Variants in ANK3 observed in about 807,000 individuals in gnomAD.
ANK3 encodes the protein ankyrin 3, also known as ankyrin-3.
In ANK3, 57 loss-of-function variants were observed where a neutral mutation model predicts 370.9. The observed-to-expected ratio is 0.15, with a 90% CI of 0.12 to 0.19. The LOEUF is 0.19. Among genes scored for constraint, ANK3 ranks in the 10% least tolerant of loss-of-function variants. The pLI is 1.00. For synonymous variants in ANK3, 1,929 were observed against 1,946.3 expected (o/e 0.99, Z 0.23); for missense variants, 4,439 against 5,302.1 (o/e 0.84, Z 5.06).
chr10:60,468,995 GTGTATATATATATATATATATA>G (rs2065079311), intron 2 of ANK3, among the ~76,000 whole-genome samples: 2 of 34,552 alleles, frequency 5.8e-5, no homozygotes, highest in Admixed American at 2.6e-4. Context: ...CACTTTTAGT[GTGTATATATATATATATATATA>G]TACCACTTTT....
At chr10:60,676,185 T>C (rs1223428041) in intron 1 of ANK3, among the ~76,000 whole-genome samples, 3 of 152,176 alleles carry the variant, frequency 2.0e-5, no homozygotes, top group African/African-American at 7.2e-5. Context: ...GATGTTGCAA[T>C]TTTTAAAAGC....
intron 2 of ANK3, among the ~76,000 whole-genome samples, chr10:60,613,187 T>C (rs1254288021): frequency 6.6e-6 from 1 of 152,220 alleles, no homozygotes; most frequent in Non-Finnish European, 1.5e-5. Context: ...TTAACTTTAC[T>C]AGATATAAAT....
intron 14 of ANK3, among the ~76,000 whole-genome samples, chr10:60,196,933 C>T (rs759058084): frequency 1.1e-4 from 16 of 152,152 alleles, no homozygotes; most frequent in Non-Finnish European, 2.2e-4. Flanking sequence ...TCAGGTATCT[C>T]ACCAGGATGA....
intron 1 of ANK3, among the ~76,000 whole-genome samples, chr10:60,301,781 C>T (rs1286957121): frequency 6.6e-6 from 1 of 152,172 alleles, no homozygotes; most frequent in Non-Finnish European, 1.5e-5. Context: ...ATATGCAACA[C>T]TTTAGGCAAC....
rs140104995 is a variant in ANK3, at chr10:60,084,707, G to C, written c.3969C>G (p.Pro1323=). The C allele has an allele frequency of 1.2e-6, 2 of 1,613,648 alleles. No homozygotes were observed. ...AGAAACATCGCAAGGAAGATTCTAC[G>C]GGATCATTCATTTTGGCAAAAACAA... ...KFVVFAKMND[P]VESSLRCFCM... Residue 1323 remains proline (P), a synonymous_variant, in exon 32 of 44, where the codon CCC becomes CCG. Transcript: ENST00000280772.
chr10:60,288,889 A>AACACACACACACACACAC lies in ANK3; in HGVS notation c.115-9268_115-9251dup, dbSNP rs35560146. On this transcript the variant is annotated intron_variant, in intron 1 of 43. Coordinates refer to ENST00000280772, the MANE Select transcript of ANK3 (RefSeq NM_020987.5). ...CCTCAAGGATCTCCCAGGTAGGAAT[A>AACACACACACACACACAC]ACACACACACACACACACACACACA... is the stretch of plus-strand genomic sequence containing the variant. 4.9e-3 allele frequency among the ~76,000 whole-genome samples: 682 copies of AACACACACACACACACAC among 139,290 alleles called. 8 individuals carry two copies. The highest frequency in any genetic ancestry group is 0.016 in the African/African-American group (584 of 36,494). The allele number at this position is 139,290 out of a possible 152,430, so 91.4% of individuals were successfully genotyped here. A position where few individuals can be genotyped will look rare whatever the true frequency, so the allele number is the denominator to read the frequency against.
intron 2 of ANK3, among the ~76,000 whole-genome samples, chr10:60,537,232 C>T (rs2076745094): frequency 6.6e-6 from 1 of 151,862 alleles, no homozygotes; most frequent in Non-Finnish European, 1.5e-5. Flanking sequence ...GCTGAAATGC[C>T]TTTGTTATAG....
chr10:60,092,703 T>C (rs2088885554), intron 28 of ANK3, among the ~76,000 whole-genome samples: 1 of 152,224 alleles, frequency 6.6e-6, no homozygotes, highest in Non-Finnish European at 1.5e-5. Context: ...GAAATCCTAG[T>C]GTAGGAAAAG....
chr10:60,547,487 C>A (rs1393266548), intron 2 of ANK3, among the ~76,000 whole-genome samples: 14 of 152,186 alleles, frequency 9.2e-5, no homozygotes, highest in Admixed American at 7.9e-4. Flanking sequence ...CCTCCACCTC[C>A]TGGGTTCAAG....
At chr10:60,149,481 A>G (rs1191542033) in intron 23 of ANK3, among the ~76,000 whole-genome samples, 1 of 152,202 alleles carries the variant, frequency 6.6e-6, no homozygotes, top group African/African-American at 2.4e-5. Context: ...AAAAAAAACC[A>G]CAACAGCCTG....
intron 2 of ANK3, among the ~76,000 whole-genome samples, chr10:60,441,926 C>G (rs10821766): frequency 0.16 from 23,997 of 152,000 alleles, 1,996 homozygotes; most frequent in African/African-American, 0.23. Flanking sequence ...AATTTTAAGA[C>G]ACATTTTGCT....
intron 2 of ANK3, among the ~76,000 whole-genome samples, chr10:60,518,786 A>AT (rs75314561): frequency 0.085 from 12,964 of 152,180 alleles, 1,104 homozygotes; most frequent in East Asian, 0.31. Flanking sequence ...TTGAATACAA[A>AT]TTTTTTTGAT....
intron 2 of ANK3, among the ~76,000 whole-genome samples, chr10:60,596,735 G>A (rs2077993056): frequency 6.6e-6 from 1 of 151,796 alleles, no homozygotes; most frequent in Admixed American, 6.6e-5. Context: ...TTCATATCAG[G>A]GAATCCACTG....
rs145809401 is a variant in ANK3, at chr10:60,591,498, T to TA, written c.96+23687dup. 4.1e-3 allele frequency among the ~76,000 whole-genome samples: 616 copies of TA among 152,032 alleles called. 5 individuals are homozygous for TA. Among genetic ancestry groups the TA allele is most frequent in the Middle Eastern group, 0.027 (8 of 294 alleles). ...TAAAGTTAGCCAGAATCACAACCAC[T>TA]ATGGAGAACAGTTTGTAGGTTCCTC... On this transcript the variant is annotated intron_variant, in intron 2 of 43. Coordinates refer to the ANK3 transcript ENST00000373827.
intron 2 of ANK3, among the ~76,000 whole-genome samples, chr10:60,478,346 A>G (rs928386666): frequency 2.6e-5 from 4 of 152,120 alleles, no homozygotes; most frequent in African/African-American, 9.6e-5. Context: ...TGCTAAAAAA[A>G]TCTGTAGCTA....
chr10:60,655,513 AT>A, intron 1 of ANK3, among the ~76,000 whole-genome samples: 1 of 152,228 alleles, frequency 6.6e-6, no homozygotes, highest in African/African-American at 2.4e-5. Flanking sequence ...AAGAAAAAAT[AT>A]TTTTGGACAT....
chr10:60,595,305 C>A (rs1275399174), intron 2 of ANK3, among the ~76,000 whole-genome samples: 1 of 152,002 alleles, frequency 6.6e-6, no homozygotes, highest in Non-Finnish European at 1.5e-5. Flanking sequence ...TCAGCTTCCA[C>A]AAAAATTTGG....
chr10:60,349,077 A>G (rs370406149), intron 1 of ANK3, among the ~76,000 whole-genome samples: 1 of 74,072 alleles, frequency 1.4e-5, no homozygotes, highest in Non-Finnish European at 3.7e-5. Context: ...GCTCATGAGA[A>G]ACACAGAGAG....
chr10:60,395,596 C>CTTTCTTTCTTTCTTTCTT (rs1555367197), intron 2 of ANK3, among the ~76,000 whole-genome samples: 6 of 123,858 alleles, frequency 4.8e-5, no homozygotes, highest in African/African-American at 2.1e-4. Flanking sequence ...TTCTTTCTTT[C>CTTTCTTTCTTTCTTTCTT]TTTCTTTCTT....
Sources: gnomAD v4.1 joint callset for allele counts (sites outside exome capture counted in the v4.1 genomes callset) on GRCh38, gnomAD v4.1.1 for gene constraint, MANE v1.5 for transcripts, NCBI Gene and HGNC (gene_info 2026-07-23, HGNC 2026-07-21) for gene names.